The following CSMD1 variants were observed in gnomAD, a reference collection of about 807,000 sequenced individuals.
CSMD1 encodes CUB and sushi domain-containing protein 1.
In CSMD1, 213 loss-of-function variants were observed where a neutral mutation model predicts 417.5. That is an observed-to-expected ratio of 0.51 (90% CI 0.46 to 0.57). CSMD1 has a LOEUF of 0.57. Ranked by LOEUF, CSMD1 falls within the 20% of genes least tolerant of loss-of-function variation. The pLI is 0.00. For missense variants in CSMD1, 6,923 were observed against 4,529.7 expected, an observed-to-expected ratio of 1.53 and a Z score of -15.17; for synonymous variants, 2,862 against 1,736.8, an observed-to-expected ratio of 1.65 and a Z score of -16.11.
chr8:4,741,640 C>T (rs1386603977), intron 1 of CSMD1, among the ~76,000 whole-genome samples: 1 of 152,166 alleles, frequency 6.6e-6, no homozygotes, highest in African/African-American at 2.4e-5. Flanking sequence ...AGAACACACA[C>T]GAGTTTACTT....
At position 4,790,481 on chromosome 8, in the gene CSMD1, T is replaced by G. The variant is rs568062308; in HGVS notation, c.86-152923A>C. On this transcript the variant is annotated intron_variant, in intron 1 of 69. Transcript: ENST00000635120. ...TTTCCACAGAATGAGAAAAAAACTCTTCTAAAATTTATTTGGAACCAAAAA... is the reference window on the plus strand; with the variant it reads ...TTTCCACAGAATGAGAAAAAAACTCGTCTAAAATTTATTTGGAACCAAAAA... Among the ~76,000 whole-genome samples the G allele has an allele frequency of 3.1e-4, 47 of 152,304 alleles. No homozygotes were observed. In the South Asian group the frequency reaches 8.9e-3, roughly 29 times the overall value.
intron 1 of CSMD1, among the ~76,000 whole-genome samples, chr8:4,702,639 C>T (rs1807650898): frequency 6.6e-6 from 1 of 152,122 alleles, no homozygotes; most frequent in Non-Finnish European, 1.5e-5. Flanking sequence ...CACTGAGAAT[C>T]ACAAATAAAC....
intron 3 of CSMD1, among the ~76,000 whole-genome samples, chr8:4,408,677 T>C (rs1796474157): frequency 1.3e-5 from 2 of 152,216 alleles, no homozygotes; most frequent in Non-Finnish European, 2.9e-5. Context: ...GTTCATTTTC[T>C]TGAAACCAAG....
At chr8:4,307,723 G>C (rs62478633) in intron 3 of CSMD1, among the ~76,000 whole-genome samples, 57 of 152,112 alleles carry the variant, frequency 3.7e-4, no homozygotes, top group African/African-American at 1.3e-3. Context: ...GACCATGAGT[G>C]GGAATGAATA....
At chr8:3,294,614 T>G (rs1013045237) in intron 25 of CSMD1, among the ~76,000 whole-genome samples, 4 of 152,170 alleles carry the variant, frequency 2.6e-5, no homozygotes, top group Admixed American at 6.5e-5. Flanking sequence ...TAGGACCCTC[T>G]GAGTCATGCA....
chr8:3,632,221 C>A (rs763320177), intron 7 of CSMD1, among the ~76,000 whole-genome samples: 19 of 152,152 alleles, frequency 1.2e-4, no homozygotes, highest in Non-Finnish European at 2.1e-4. Context: ...TTAGAAAATG[C>A]AATCATTTCT....
chr8:3,494,046 T>A (rs1315414479), intron 10 of CSMD1, among the ~76,000 whole-genome samples: 1 of 152,188 alleles, frequency 6.6e-6, no homozygotes, highest in Non-Finnish European at 1.5e-5. Flanking sequence ...CTTAACTAAA[T>A]CAATATTAGC....
chr8:3,583,306 C>T (rs947288445), intron 9 of CSMD1, among the ~76,000 whole-genome samples: 4 of 151,860 alleles, frequency 2.6e-5, no homozygotes, highest in African/African-American at 9.7e-5. Flanking sequence ...GTGGGCACAG[C>T]TTTGGAACCG....
intron 1 of CSMD1, among the ~76,000 whole-genome samples, chr8:4,861,232 C>T (rs1676843796): frequency 6.6e-6 from 1 of 152,104 alleles, no homozygotes; most frequent in South Asian, 2.1e-4. Context: ...CTTCTGTAGA[C>T]AGTAATATAT....
chr8:3,644,432 A>G (rs572498479), intron 7 of CSMD1, among the ~76,000 whole-genome samples: 1 of 152,322 alleles, frequency 6.6e-6, no homozygotes, highest in East Asian at 1.9e-4. Context: ...TCACCTTAAA[A>G]TAGGCACGGT....
At chr8:4,492,598 A>G (rs1284980116) in intron 2 of CSMD1, among the ~76,000 whole-genome samples, 4 of 152,220 alleles carry the variant, frequency 2.6e-5, no homozygotes, top group Non-Finnish European at 5.9e-5. Context: ...GGGATTAAAT[A>G]TTTTGGTTTA....
At chr8:4,174,239 G>A (rs1563223072) in intron 3 of CSMD1, among the ~76,000 whole-genome samples, 1 of 152,104 alleles carries the variant, frequency 6.6e-6, no homozygotes, top group African/African-American at 2.4e-5. Flanking sequence ...TGAAAGCAAA[G>A]CGCTAAAAAG....
intron 3 of CSMD1, among the ~76,000 whole-genome samples, chr8:4,214,592 C>G (rs904103053): frequency 1.3e-5 from 2 of 152,166 alleles, no homozygotes; most frequent in Admixed American, 6.5e-5. Context: ...GCCACTGTGC[C>G]TGGCCCACCT....
At chr8:4,059,948 C>G (rs1339356811) in intron 3 of CSMD1, among the ~76,000 whole-genome samples, 2 of 152,008 alleles carry the variant, frequency 1.3e-5, no homozygotes, top group African/African-American at 4.8e-5. Context: ...TTTCATGAGG[C>G]CAGCATCATC....
intron 25 of CSMD1, among the ~76,000 whole-genome samples, chr8:3,303,897 C>T (rs767934258): frequency 2.6e-5 from 4 of 151,762 alleles, no homozygotes; most frequent in African/African-American, 9.7e-5. Flanking sequence ...ATTAGAAATT[C>T]TTCCAGACCC....
chr8:3,385,178 TAG>T lies in CSMD1; in HGVS notation c.2782+2314_2782+2315del, dbSNP rs1263037656. Among the ~76,000 whole-genome samples the T allele has an allele frequency of 6.8e-4, 94 of 137,692 alleles. 1 individual carries two copies. Among genetic ancestry groups the T allele is most frequent in the Admixed American group, 2.2e-3 (28 of 12,464 alleles). The allele number at this position is 137,692 out of a possible 152,430, so 90.3% of individuals were successfully genotyped here. Reference sequence around the variant, plus strand: ...ATATAATACATAATATATAAATATATAGAAGTCTAAATATATAAATAGAAATG... The same window carrying T: ...ATATAATACATAATATATAAATATATAAGTCTAAATATATAAATAGAAATG... On this transcript the variant is annotated intron_variant, in intron 18 of 69. Coordinates refer to ENST00000635120, the MANE Select transcript of CSMD1 (RefSeq NM_033225.6).
At chr8:3,466,522 G>C (rs939539978) in intron 12 of CSMD1, among the ~76,000 whole-genome samples, 1 of 150,426 alleles carries the variant, frequency 6.6e-6, no homozygotes, top group Non-Finnish European at 1.5e-5. Flanking sequence ...CGATTCTTCT[G>C]CCCCAGCCTC....
In CSMD1 at chr8:2,962,112, C is replaced by T. The variant is rs1048963024; in HGVS notation, c.9628+354G>A. 3.9e-5 allele frequency among the ~76,000 whole-genome samples: 6 copies of T among 152,174 alleles called. No individual in the cohort carries two copies. In the East Asian group the frequency reaches 1.2e-3, roughly 29 times the overall value. Reference sequence around the variant, plus strand: ...TGACTCTGCAGCAATAAAACAACAGCAAGACTGTCTCTCTGGGGAGGGCTG... The same window carrying T: ...TGACTCTGCAGCAATAAAACAACAGTAAGACTGTCTCTCTGGGGAGGGCTG... On this transcript the variant is annotated intron_variant, in intron 61 of 69. Transcript: ENST00000635120.
At chr8:3,949,943 G>T (rs1363594056) in intron 5 of CSMD1, 1 of 455,868 alleles carries the variant, frequency 2.2e-6, no homozygotes, top group Admixed American at 2.4e-5. Context: ...AACACACATG[G>T]AGAGGTTCAT....
Sources: gnomAD v4.1 joint callset for allele counts (sites outside exome capture counted in the v4.1 genomes callset) on GRCh38, gnomAD v4.1.1 for gene constraint, MANE v1.5 for transcripts, NCBI Gene and HGNC (gene_info 2026-07-23, HGNC 2026-07-21) for gene names.